PDZRN3: variants seen among roughly 807,000 people sequenced by gnomAD.
PDZRN3 encodes E3 ubiquitin-protein ligase PDZRN3.
A neutral mutation model predicts 85.7 loss-of-function variants in PDZRN3; 38 were observed. The observed-to-expected ratio is 0.44, with a 90% CI of 0.34 to 0.58. The LOEUF is 0.58. PDZRN3 is among the 20% of genes least tolerant of loss of function. PDZRN3 has a pLI of 0.01. For synonymous variants in PDZRN3, 759 were observed against 638.0 expected, an observed-to-expected ratio of 1.19 and a Z score of -2.86; for missense variants, 1,629 against 1,506.4, an observed-to-expected ratio of 1.08 and a Z score of -1.35.
intron 3 of PDZRN3, among the ~76,000 whole-genome samples, chr3:73,483,083 G>C (rs1005977482): frequency 6.6e-6 from 1 of 152,150 alleles, no homozygotes; most frequent in Non-Finnish European, 1.5e-5. Flanking sequence ...AACTTTCTCC[G>C]TACTTCAGAG....
chr3:73,600,590 T>C (rs1702503045), intron 3 of PDZRN3, among the ~76,000 whole-genome samples: 3 of 152,130 alleles, frequency 2.0e-5, no homozygotes, highest in South Asian at 4.1e-4. Flanking sequence ...TTACATACTG[T>C]CCAAAATAGG....
Position 73,383,233 on chromosome 3 carries a change from G to C in PDZRN3, c.*132C>G. ...GACCTATGACACCCAGAGTTGTAGG[G>C]TTTGCAAATTTGGACTATAAACATG... is the stretch of plus-strand genomic sequence containing the variant. On this transcript the variant is annotated 3_prime_UTR_variant, in exon 10 of 10. Coordinates refer to ENST00000263666, the MANE Select transcript of PDZRN3 (RefSeq NM_015009.3). The C allele has an allele frequency of 3.7e-6, 3 of 805,188 alleles. No individual in the cohort carries two copies. The South Asian group carries it at 5.4e-5, about 15-fold the overall frequency. The allele number at this position is 805,188 out of a possible 1,614,324, so 49.9% of individuals were successfully genotyped here. A position where few individuals can be genotyped will look rare whatever the true frequency, so the allele number is the denominator to read the frequency against.
At chr3:73,457,747 C>T (rs1032858035) in intron 3 of PDZRN3, among the ~76,000 whole-genome samples, 7 of 152,242 alleles carry the variant, frequency 4.6e-5, no homozygotes, top group Admixed American at 3.3e-4. Context: ...GAGACCTCAA[C>T]GAATGCCATG....
intron 1 of PDZRN3, among the ~76,000 whole-genome samples, chr3:73,610,308 C>T (rs188539544): frequency 4.6e-5 from 7 of 152,206 alleles, no homozygotes; most frequent in East Asian, 3.9e-4. Context: ...CTGTACCCAA[C>T]AAAAAACAGC....
intron 3 of PDZRN3, among the ~76,000 whole-genome samples, chr3:73,407,372 A>G (rs984155024): frequency 2.6e-5 from 4 of 152,190 alleles, no homozygotes; most frequent in African/African-American, 9.7e-5. Context: ...TGTGGTCCTA[A>G]TAATATCACT....
intron 3 of PDZRN3, among the ~76,000 whole-genome samples, chr3:73,556,193 G>A (rs962474426): frequency 2.8e-4 from 42 of 152,102 alleles, no homozygotes; most frequent in African/African-American, 9.6e-4. Flanking sequence ...CATTTAATAA[G>A]TAATAATCAT....
intron 3 of PDZRN3, among the ~76,000 whole-genome samples, chr3:73,506,908 A>C (rs963461184): frequency 2.7e-5 from 4 of 150,760 alleles, no homozygotes; most frequent in East Asian, 1.9e-4. Flanking sequence ...AAAAAAAAAA[A>C]ACAAAAAAAC....
chr3:73,572,571 T>C (rs1318508773), intron 3 of PDZRN3, among the ~76,000 whole-genome samples: 1 of 152,144 alleles, frequency 6.6e-6, no homozygotes, highest in Middle Eastern at 3.2e-3. Flanking sequence ...CACTGTACAT[T>C]CCGGCTGTCA....
At chr3:73,403,564 G>C (rs190856623) in intron 4 of PDZRN3, among the ~76,000 whole-genome samples, 1 of 152,342 alleles carries the variant, frequency 6.6e-6, no homozygotes, top group Admixed American at 6.5e-5. Context: ...AGGTTTGTCT[G>C]ACTTGAAGCC....
chr3:73,582,732 T>A (rs1702219685), intron 3 of PDZRN3, among the ~76,000 whole-genome samples: 1 of 152,064 alleles, frequency 6.6e-6, no homozygotes, highest in South Asian at 2.1e-4. Context: ...GTGTGACCTC[T>A]GAGAAGGCAC....
At chr3:73,517,772 CA>C (rs1279715696) in intron 3 of PDZRN3, among the ~76,000 whole-genome samples, 1 of 152,066 alleles carries the variant, frequency 6.6e-6, no homozygotes. Context: ...TTTTGTGCAC[CA>C]AAATATTTTC....
chr3:73,505,467 C>T (rs1340607392), intron 3 of PDZRN3, among the ~76,000 whole-genome samples: 1 of 152,054 alleles, frequency 6.6e-6, no homozygotes, highest in Non-Finnish European at 1.5e-5. Flanking sequence ...ACAAAAATTG[C>T]AAAACATCAA....
chr3:73,454,856 T>C (rs930897608), intron 3 of PDZRN3, among the ~76,000 whole-genome samples: 1 of 152,214 alleles, frequency 6.6e-6, no homozygotes, highest in South Asian at 2.1e-4. Context: ...ATATCATCTC[T>C]ATGTATTAGG....
intron 3 of PDZRN3, among the ~76,000 whole-genome samples, chr3:73,432,565 G>C (rs1028533868): frequency 2.0e-5 from 3 of 152,084 alleles, no homozygotes; most frequent in African/African-American, 7.2e-5. Context: ...TTTAGGTTTT[G>C]TCCAGAGAGG....
At chr3:73,400,506 AGGGC>A (rs1701726906) in intron 5 of PDZRN3, among the ~76,000 whole-genome samples, 1 of 152,218 alleles carries the variant, frequency 6.6e-6, no homozygotes, top group African/African-American at 2.4e-5. Flanking sequence ...CCCTTTTGTT[AGGGC>A]GGGCTAGCAT....
At chr3:73,421,607 G>T (rs1559670634) in intron 3 of PDZRN3, among the ~76,000 whole-genome samples, 1 of 152,214 alleles carries the variant, frequency 6.6e-6, no homozygotes, top group Non-Finnish European at 1.5e-5. Context: ...CAAGATATAA[G>T]ATATCACCTT....
chr3:73,542,565 G>A (rs981217967), intron 3 of PDZRN3, among the ~76,000 whole-genome samples: 1 of 152,116 alleles, frequency 6.6e-6, no homozygotes, highest in Non-Finnish European at 1.5e-5. Flanking sequence ...CCTGAGGTTA[G>A]GAGTTTGAGA....
intron 9 of PDZRN3, 110 bp from the exon 10 acceptor site, chr3:73,385,040 G>C (rs2106671392): frequency 7.7e-7 from 1 of 1,297,658 alleles, no homozygotes. Context: ...ACATTTCTAA[G>C]GCCAAGGGAC....
intron 3 of PDZRN3, among the ~76,000 whole-genome samples, chr3:73,557,419 AC>A (rs1484311062): frequency 6.6e-6 from 1 of 152,214 alleles, no homozygotes; most frequent in African/African-American, 2.4e-5. Flanking sequence ...GATTTCTGTG[AC>A]TATTTCTCAT....
Sources: gnomAD v4.1 joint callset for allele counts (sites outside exome capture counted in the v4.1 genomes callset) on GRCh38, gnomAD v4.1.1 for gene constraint, MANE v1.5 for transcripts, NCBI Gene and HGNC (gene_info 2026-07-23, HGNC 2026-07-21) for gene names.